NWD2: variants seen among roughly 807,000 people sequenced by gnomAD.
NWD2 encodes the protein NACHT and WD repeat domain-containing protein 2.
Under a neutral mutation model 132.7 loss-of-function variants are expected in NWD2, and 37 were observed. The observed-to-expected ratio is 0.28, with a 90% CI of 0.21 to 0.37. The LOEUF (loss-of-function observed/expected upper bound fraction) is 0.37, where lower values mean the gene tolerates loss of function less well. Among genes scored for constraint, NWD2 ranks in the 10% least tolerant of loss-of-function variants. The pLI, the probability that NWD2 is intolerant of heterozygous loss-of-function variation, is 1.00. For missense variants in NWD2, 1,592 were observed against 2,122.4 expected (o/e 0.75, Z 4.91); for synonymous variants, 705 against 803.0 (o/e 0.88, Z 2.06).
intron 1 of NWD2, among the ~76,000 whole-genome samples, chr4:37,285,075 A>G (rs764230033): frequency 1.4e-4 from 21 of 152,212 alleles, no homozygotes; most frequent in Non-Finnish European, 2.5e-4. Flanking sequence ...TCAGTACCAT[A>G]CAATGTTAAC....
intron 1 of NWD2, among the ~76,000 whole-genome samples, chr4:37,264,267 G>C (rs761477259): frequency 6.6e-6 from 1 of 152,118 alleles, no homozygotes; most frequent in Non-Finnish European, 1.5e-5. Context: ...TAAATAGCTG[G>C]AATAAAACTC....
intron 2 of NWD2, among the ~76,000 whole-genome samples, chr4:37,330,006 G>C (rs1719258263): frequency 6.6e-6 from 1 of 152,138 alleles, no homozygotes; most frequent in South Asian, 2.1e-4. Flanking sequence ...AATCCATTTA[G>C]TTCAGTCTTT....
At chr4:37,378,434 G>T (rs969107002) in intron 3 of NWD2, among the ~76,000 whole-genome samples, 1 of 152,166 alleles carries the variant, frequency 6.6e-6, no homozygotes. Context: ...GGTGTCAGTT[G>T]TTGTCCATTT....
At chr4:37,414,017 T>C (rs1318417401) in intron 3 of NWD2, among the ~76,000 whole-genome samples, 1 of 152,016 alleles carries the variant, frequency 6.6e-6, no homozygotes, top group Non-Finnish European at 1.5e-5. Context: ...AAATACCTAA[T>C]GTAGGTGACG....
rs183513716 is a variant in NWD2 at position 37,365,428 on chromosome 4, T to C, written c.357+8946T>C. 2.2e-4 allele frequency among the ~76,000 whole-genome samples: 33 copies of C among 152,346 alleles called. 1 individual carries two copies. Among genetic ancestry groups the C allele is most frequent in the Middle Eastern group, 3.4e-3 (1 of 292 alleles). On this transcript the variant is annotated intron_variant, in intron 3 of 6. Transcript: ENST00000309447. ...TGAGAAAACAGTCATTGATTTGAAC[T>C]GGAAAGTCATCTAAATTAAACAGTC...
chr4:37,432,460 T>C (rs1350646952), intron 4 of NWD2, among the ~76,000 whole-genome samples: 1 of 152,066 alleles, frequency 6.6e-6, no homozygotes, highest in African/African-American at 2.4e-5. Flanking sequence ...TGATCAATTC[T>C]CTTATCTCTG....
At chr4:37,438,685 G>A (rs542866802) in intron 5 of NWD2, 116 bp from the exon 6 acceptor site, 22 of 677,056 alleles carry the variant, frequency 3.2e-5, no homozygotes, top group African/African-American at 2.7e-4. Context: ...AGATTACTTC[G>A]CTACAAACCA....
intron 3 of NWD2, among the ~76,000 whole-genome samples, chr4:37,428,924 G>T (rs932817060): frequency 5.3e-5 from 8 of 152,108 alleles, no homozygotes; most frequent in Non-Finnish European, 1.0e-4. Context: ...TAGAGACAGG[G>T]TTTAACCATG....
rs1303089987 is a variant in NWD2, at chr4:37,444,666, C to T, written c.2678C>T (p.Ala893Val). 2.6e-6 allele frequency: 4 copies of T among 1,552,194 alleles called. No individual in the cohort carries two copies. The highest frequency in any genetic ancestry group is 1.7e-4 in the Middle Eastern group (1 of 5,996). The change falls in exon 7 of 7, where the codon GCC (alanine) becomes GTC (valine). Residue 893 changes from alanine to valine, a missense_variant. This residue lies in a region of NWD2 where 1,071 missense variants were observed against 1,398.0 expected (regional missense o/e 0.77). Coordinates refer to ENST00000309447, the MANE Select transcript of NWD2 (RefSeq NM_001144990.2). This position sits in a 1 kb window ranked among gnomAD's most constrained non-coding sequence, Gnocchi z 4.8. ...CAAGAGAAGGAGCTGAAGTTCCTGGCCAACACCCTCCGCAGCATCAAAAAC... is the reference window on the plus strand; with the variant it reads ...CAAGAGAAGGAGCTGAAGTTCCTGGTCAACACCCTCCGCAGCATCAAAAAC... Reference protein sequence around the residue: ...YSQEKELKFLANTLRSIKNKV... With the variant: ...YSQEKELKFLVNTLRSIKNKV...
At chr4:37,301,324 T>C (rs1226302905) in intron 1 of NWD2, among the ~76,000 whole-genome samples, 1 of 152,108 alleles carries the variant, frequency 6.6e-6, no homozygotes, top group African/African-American at 2.4e-5. Context: ...TCATTGTGCC[T>C]GGAATTTGTT....
intron 5 of NWD2, among the ~76,000 whole-genome samples, chr4:37,435,833 C>G (rs962157632): frequency 6.6e-6 from 1 of 152,130 alleles, no homozygotes; most frequent in Non-Finnish European, 1.5e-5. Context: ...TATACATGCT[C>G]ATGACAATTT....
chr4:37,436,377 G>A (rs1051098085), intron 5 of NWD2, among the ~76,000 whole-genome samples: 1 of 152,100 alleles, frequency 6.6e-6, no homozygotes, highest in African/African-American at 2.4e-5. Context: ...TAACTCTGTA[G>A]AGTTGCCTTT....
chr4:37,390,315 A>G (rs1002062142), intron 3 of NWD2, among the ~76,000 whole-genome samples: 1 of 152,176 alleles, frequency 6.6e-6, no homozygotes, highest in Admixed American at 6.5e-5. Flanking sequence ...GAGTGCATAT[A>G]AAATGTTTTA....
Position 37,444,173 on chromosome 4 carries a change from C to G in NWD2, c.2185C>G (p.Leu729Val), listed in dbSNP as rs1560257455. 6.4e-7 allele frequency: 1 copy of G among 1,551,704 alleles called. No individual in the cohort carries two copies. ...LIERHVKNVTLLVWANRHLQL... is the reference protein window; with the variant it reads ...LIERHVKNVTVLVWANRHLQL... ...AGAAAGACATGTGAAAAATGTCACA[C>G]TCCTAGTCTGGGCCAACAGACACCT... Residue 729 changes from leucine (L) to valine (V), a missense_variant, in exon 7 of 7, where the codon CTC becomes GTC. Transcript: ENST00000309447. This position sits in a 1 kb window ranked among gnomAD's most constrained non-coding sequence, Gnocchi z 4.8.
chr4:37,276,755 G>C (rs942343226), intron 1 of NWD2, among the ~76,000 whole-genome samples: 4 of 152,080 alleles, frequency 2.6e-5, no homozygotes, highest in African/African-American at 9.7e-5. Context: ...AACAATGATA[G>C]ATTGGATTAA....
At chr4:37,274,841 T>C (rs1282540898) in intron 1 of NWD2, among the ~76,000 whole-genome samples, 4 of 152,152 alleles carry the variant, frequency 2.6e-5, no homozygotes, top group African/African-American at 9.6e-5. Context: ...CACATGATTA[T>C]CTCAATAGAT....
At chr4:37,405,996 G>T (rs1720995306) in intron 3 of NWD2, among the ~76,000 whole-genome samples, 1 of 152,120 alleles carries the variant, frequency 6.6e-6, no homozygotes, top group Non-Finnish European at 1.5e-5. Flanking sequence ...AATTAAATAA[G>T]TGGTTTCTAA....
At chr4:37,412,138 A>T (rs1228223607) in intron 3 of NWD2, among the ~76,000 whole-genome samples, 1 of 152,222 alleles carries the variant, frequency 6.6e-6, no homozygotes, top group Non-Finnish European at 1.5e-5. Context: ...TGGCCAGGGC[A>T]ATGAGGCAAG....
intron 1 of NWD2, among the ~76,000 whole-genome samples, chr4:37,307,236 C>T (rs1718728570): frequency 6.7e-6 from 1 of 149,062 alleles, no homozygotes; most frequent in Non-Finnish European, 1.5e-5. Flanking sequence ...GTGTTTTATT[C>T]TCTCACATGT....
Sources: gnomAD v4.1 joint callset for allele counts (sites outside exome capture counted in the v4.1 genomes callset) on GRCh38, gnomAD v4.1.1 for gene constraint, gnomAD v4.1.1 regional missense constraint, Gnocchi (gnomAD v3.1) non-coding constraint, MANE v1.5 for transcripts, NCBI Gene and HGNC (gene_info 2026-07-23, HGNC 2026-07-21) for gene names.